RANBP2: variants seen among roughly 807,000 people sequenced by gnomAD.
RANBP2 encodes the protein E3 SUMO-protein ligase RanBP2.
RANBP2 carries 57 observed loss-of-function variants against 303.6 expected under a neutral mutation model. That is an observed-to-expected ratio of 0.19 (90% confidence interval 0.15 to 0.23). RANBP2 has a LOEUF of 0.23. RANBP2 is among the 10% of genes least tolerant of loss of function. RANBP2 has a pLI of 1.00. For synonymous variants in RANBP2, 1,167 were observed against 1,301.5 expected (o/e 0.90, Z 2.23); for missense variants, 3,138 against 3,780.8 (o/e 0.83, Z 4.46).
chr2:108,872,258 T>G, the RANBP2 span, among the ~76,000 whole-genome samples: 1 of 152,252 alleles, frequency 6.6e-6, no homozygotes, highest in African/African-American at 2.4e-5. Context: ...CATCCTGCCA[T>G]TGGTGCCCAA....
At chr2:108,876,090 G>A in the RANBP2 span, 3 of 1,576,764 alleles carry the variant, frequency 1.9e-6, no homozygotes, top group East Asian at 4.5e-5. Context: ...TTTTACAGGA[G>A]TAATAAGAAG....
intron 4 of RANBP2, among the ~76,000 whole-genome samples, chr2:108,734,304 G>C (rs1006185640): frequency 1.8e-4 from 28 of 152,150 alleles, no homozygotes; most frequent in African/African-American, 6.3e-4. Context: ...AGGGTCAAAG[G>C]AAGGTATGGG....
At chr2:108,965,051 A>G in the RANBP2 span, among the ~76,000 whole-genome samples, 1 of 152,136 alleles carries the variant, frequency 6.6e-6, no homozygotes, top group African/African-American at 2.4e-5. Context: ...ATATTCCTCC[A>G]AACATTTTTT....
chr2:108,730,830 T>C lies in RANBP2; in HGVS notation c.197T>C (p.Leu66Pro). Residue 66 changes from leucine (L) to proline (P), a missense_variant, in exon 3 of 29, where the codon CTG becomes CCG. By Grantham distance (98) the Leu-to-Pro change is moderately conservative. Around this residue, in one of 20 missense-constraint regions of RANBP2, gnomAD observed 306 missense variants for 381.9 expected, o/e 0.80. Transcript: ENST00000283195. ...AGGGATCCCAAAGCTCACAGATTTC[T>C]GGGTCTTCTTTATGAATTGGAAGAA... is the stretch of plus-strand genomic sequence containing the variant. ...QERDPKAHRFLGLLYELEENT... is the reference protein window; with the variant it reads ...QERDPKAHRFPGLLYELEENT... The C allele has an allele frequency of 6.2e-7, 1 of 1,611,688 alleles. No individual in the cohort carries two copies. Among genetic ancestry groups the C allele is most frequent in the East Asian group, 2.2e-5 (1 of 44,788 alleles).
chr2:109,446,645 G>A, the RANBP2 span, among the ~76,000 whole-genome samples: 2 of 152,190 alleles, frequency 1.3e-5, no homozygotes, highest in African/African-American at 4.8e-5. Context: ...ATGGGCAGGG[G>A]TGCTGGCACT....
the RANBP2 span, among the ~76,000 whole-genome samples, chr2:108,978,721 G>A: frequency 6.6e-6 from 1 of 152,208 alleles, no homozygotes; most frequent in South Asian, 2.1e-4. Flanking sequence ...AACACCAGCA[G>A]ACAATGCCCA....
Position 108,721,226 on chromosome 2 carries a change from G to A in RANBP2, c.72+1548G>A, listed in dbSNP as rs180758984. On this transcript the variant is annotated intron_variant, in intron 1 of 28. Coordinates refer to ENST00000283195, the MANE Select transcript of RANBP2 (RefSeq NM_006267.5). ...ATACTTGTTCAGGGTCAAATAGATA[G>A]TGCAGCAGAATTTTGGCAGTGGGTC... Among the ~76,000 whole-genome samples the A allele has an allele frequency of 2.7e-3, 406 of 152,292 alleles. 4 individuals are homozygous for A. In the South Asian group the frequency reaches 0.04, roughly 15 times the overall value.
intron 7 of RANBP2, among the ~76,000 whole-genome samples, chr2:108,741,763 C>T (rs1327576418): frequency 4.9e-5 from 7 of 143,826 alleles, no homozygotes; most frequent in South Asian, 2.2e-4. Flanking sequence ...CCACCTGCCT[C>T]GGCCTCCCAA....
chr2:109,730,061 C>T, the RANBP2 span, among the ~76,000 whole-genome samples: 1 of 152,182 alleles, frequency 6.6e-6, no homozygotes, highest in South Asian at 2.1e-4. Flanking sequence ...TCTCCCTCAA[C>T]ACGTGGGGAT....
chr2:109,577,524 G>A, the RANBP2 span, among the ~76,000 whole-genome samples: 2 of 151,816 alleles, frequency 1.3e-5, no homozygotes, highest in Non-Finnish European at 1.5e-5. Flanking sequence ...TGCAGGAGGT[G>A]GAGGTTGCAG....
Position 108,754,690 on chromosome 2 carries a change from G to GA in RANBP2, c.2203-208dup, listed in dbSNP as rs576379592. 1.7e-4 allele frequency among the ~76,000 whole-genome samples: 26 copies of GA among 149,638 alleles called. No individual in the cohort carries two copies. The South Asian group carries it at 3.6e-3, about 21-fold the overall frequency. On this transcript the variant is annotated intron_variant, in intron 15 of 28. Coordinates refer to ENST00000283195, the MANE Select transcript of RANBP2 (RefSeq NM_006267.5). ...TACAACACTTTTCTGTGTTCATGAA[G>GA]AAAAAAATATAATAAAGGCAAAAAA... is the stretch of plus-strand genomic sequence containing the variant.
chr2:108,976,857 G>A, the RANBP2 span, among the ~76,000 whole-genome samples: 1 of 151,592 alleles, frequency 6.6e-6, no homozygotes, highest in African/African-American at 2.4e-5. Context: ...ACTACAAGGT[G>A]CTCCAGGCTC....
At chr2:109,004,961 T>A in the RANBP2 span, among the ~76,000 whole-genome samples, 1 of 152,178 alleles carries the variant, frequency 6.6e-6, no homozygotes, top group Non-Finnish European at 1.5e-5. Context: ...CTCACTCACA[T>A]ATGTTCAGAG....
chr2:109,092,079 G>GGA, the RANBP2 span, among the ~76,000 whole-genome samples: 9 of 152,206 alleles, frequency 5.9e-5, no homozygotes, highest in East Asian at 1.4e-3. Context: ...TCTTGGTTAG[G>GGA]GATCTGATTT....
the RANBP2 span, among the ~76,000 whole-genome samples, chr2:109,486,664 G>A: frequency 5.9e-5 from 9 of 152,094 alleles, no homozygotes; most frequent in Non-Finnish European, 1.0e-4. Flanking sequence ...ATGCAGAGCC[G>A]GGCCTTCACC....
the RANBP2 span, among the ~76,000 whole-genome samples, chr2:109,402,657 T>G: frequency 6.6e-6 from 1 of 152,090 alleles, no homozygotes; most frequent in Non-Finnish European, 1.5e-5. Flanking sequence ...ATAAAGAACA[T>G]CTTGACTGAC....
the RANBP2 span, among the ~76,000 whole-genome samples, chr2:108,982,650 T>A: frequency 2.0e-5 from 3 of 152,224 alleles, no homozygotes; most frequent in Admixed American, 6.5e-5. Context: ...GTGTGTGGTC[T>A]GTTTGGATAA....
the RANBP2 span, among the ~76,000 whole-genome samples, chr2:109,550,882 C>A: frequency 6.6e-6 from 1 of 152,026 alleles, no homozygotes; most frequent in East Asian, 1.9e-4. Flanking sequence ...TGTAAATTAC[C>A]GAGCATACTT....
At chr2:109,456,663 T>C in the RANBP2 span, among the ~76,000 whole-genome samples, 1 of 152,264 alleles carries the variant, frequency 6.6e-6, no homozygotes, top group East Asian at 1.9e-4. Context: ...GGCCTCTGCA[T>C]TGGGATGAGA....
Sources: allele counts gnomAD v4.1 joint callset (sites outside exome capture counted in the v4.1 genomes callset), GRCh38; gene constraint gnomAD v4.1.1; regional missense constraint gnomAD v4.1.1; transcripts MANE v1.5; gene names NCBI Gene and HGNC (gene_info 2026-07-23, HGNC 2026-07-21).